The following GAD2 variants were observed in gnomAD, a reference collection of about 807,000 sequenced individuals.
The protein encoded by GAD2 is glutamate decarboxylase 2.
GAD2 carries 22 observed loss-of-function variants against 80.1 expected under a neutral mutation model. That is an observed-to-expected ratio of 0.27 (90% CI 0.20 to 0.39). GAD2 has a LOEUF of 0.39. Ranked by LOEUF, GAD2 falls within the 10% of genes least tolerant of loss-of-function variation. The pLI, the probability that GAD2 is intolerant of heterozygous loss-of-function variation, is 1.00. For missense variants in GAD2, 624 were observed against 738.4 expected (o/e 0.85, Z 1.80); for synonymous variants, 274 against 256.9 (o/e 1.07, Z -0.64).
At chr10:26,255,018 G>C (rs185971841) in intron 8 of GAD2, among the ~76,000 whole-genome samples, 143 of 152,382 alleles carry the variant, frequency 9.4e-4, no homozygotes, top group South Asian at 1.2e-3. Context: ...AGACACCGAA[G>C]TGAGAGTGTC....
intron 7 of GAD2, among the ~76,000 whole-genome samples, chr10:26,237,189 G>A (rs190094553): frequency 3.3e-5 from 5 of 152,348 alleles, no homozygotes. Context: ...AAAGGGATGG[G>A]AAGGGGCTCC....
chr10:26,263,948 A>G (rs951568872), intron 8 of GAD2, among the ~76,000 whole-genome samples: 5 of 152,184 alleles, frequency 3.3e-5, no homozygotes, highest in African/African-American at 1.2e-4. Flanking sequence ...AAGTCGGGGT[A>G]GTTGTACAGT....
chr10:26,267,256 C>A (rs1433851313), intron 8 of GAD2, among the ~76,000 whole-genome samples: 3 of 152,150 alleles, frequency 2.0e-5, no homozygotes, highest in Non-Finnish European at 4.4e-5. Flanking sequence ...TGTTTACCTG[C>A]AAAAATACTA....
intron 3 of GAD2, among the ~76,000 whole-genome samples, chr10:26,218,551 T>TCTCTCACACA (rs748110324): frequency 0.013 from 1,586 of 118,818 alleles, 37 homozygotes; most frequent in African/African-American, 0.041. Flanking sequence ...TCTCTCTCTC[T>TCTCTCACACA]CACACACACA....
chr10:26,293,553 C>T (rs187446378), intron 15 of GAD2, among the ~76,000 whole-genome samples: 2 of 152,218 alleles, frequency 1.3e-5, no homozygotes, highest in African/African-American at 4.8e-5. Flanking sequence ...AGTAGTCAGG[C>T]GATAACCTTT....
Position 26,216,952 on chromosome 10 carries a change from G to A in GAD2, c.76+67G>A, listed in dbSNP as rs1332289329. 75 of 1,398,794 alleles carry A rather than the reference G, an allele frequency of 5.4e-5. No homozygotes were observed. The highest frequency in any genetic ancestry group is 6.2e-5 in the Non-Finnish European group (62 of 1,001,980). 86.6% of individuals were successfully genotyped at this position (1,398,794 alleles called of 1,614,324 possible). On this transcript the variant is annotated intron_variant, in intron 1 of 15. Transcript: ENST00000376261. The surrounding 1 kb of genome is among the most constrained non-coding windows in gnomAD (Gnocchi z 4.7). ...GTGGTCTGGGGTTTGCGGAACTACG[G>A]AGAAGACGAAGGAGGTTTTTCCACC... is the stretch of plus-strand genomic sequence containing the variant.
At chr10:26,235,161 A>C (rs993903945) in intron 7 of GAD2, among the ~76,000 whole-genome samples, 6 of 152,368 alleles carry the variant, frequency 3.9e-5, no homozygotes, top group African/African-American at 1.2e-4. Context: ...GGCGTGAGCC[A>C]CTGTGCCCGG....
chr10:26,248,880 C>T (rs12254792), intron 8 of GAD2, among the ~76,000 whole-genome samples: 4,024 of 152,116 alleles, frequency 0.026, 188 homozygotes, highest in African/African-American at 0.092. Flanking sequence ...CTGGATAGGT[C>T]TGGAAACAAG....
At chr10:26,296,214 C>T (rs1834271917) in intron 15 of GAD2, among the ~76,000 whole-genome samples, 1 of 152,150 alleles carries the variant, frequency 6.6e-6, no homozygotes, top group African/African-American at 2.4e-5. Context: ...AACTAATCAC[C>T]TACCAAAGGC....
intron 4 of GAD2, among the ~76,000 whole-genome samples, chr10:26,223,226 G>A (rs1288512181): frequency 6.6e-6 from 1 of 152,180 alleles, no homozygotes; most frequent in African/African-American, 2.4e-5. Context: ...ATGGAGGAGC[G>A]CTGTTGTTTA....
chr10:26,293,058 A>T, intron 15 of GAD2, 67 bp downstream of exon 15: 2 of 1,304,394 alleles, frequency 1.5e-6, no homozygotes, highest in Admixed American at 1.7e-5. Context: ...CTTCTTTATG[A>T]CATATGCCTG....
chr10:26,292,432 C>T (rs776377333), intron 13 of GAD2, 33 bp from the exon 14 acceptor site: 3 of 1,531,588 alleles, frequency 2.0e-6, no homozygotes, highest in Non-Finnish European at 2.7e-6. Flanking sequence ...CACTCTTAGC[C>T]TGCTTAATGA....
At position 26,216,916 on chromosome 10, in the gene GAD2, CGA is replaced by C. The variant is rs1449168414; in HGVS notation, c.76+33_76+34del. The C allele has an allele frequency of 1.9e-6, 3 of 1,585,486 alleles. No homozygotes were observed. The highest frequency in any genetic ancestry group is 2.6e-6 in the Non-Finnish European group (3 of 1,159,316). On this transcript the variant is annotated intron_variant, in intron 1 of 15. Coordinates refer to ENST00000376261, the MANE Select transcript of GAD2 (RefSeq NM_001134366.2). This position sits in a 1 kb window ranked among gnomAD's most constrained non-coding sequence, Gnocchi z 4.7. The stretch of plus-strand genomic sequence containing the variant: ...AAGGAGAACGGGGGCCTGCGGCGGG[CGA>C]GTTTTGCGGTGGTCTGGGGTTTGCG...
intron 7 of GAD2, among the ~76,000 whole-genome samples, chr10:26,239,961 C>T (rs1487043858): frequency 6.6e-6 from 1 of 152,194 alleles, no homozygotes; most frequent in African/African-American, 2.4e-5. Flanking sequence ...TCTGTGTCCT[C>T]CAAGCCCAGC....
intron 7 of GAD2, among the ~76,000 whole-genome samples, chr10:26,239,683 A>G (rs1239848747): frequency 6.6e-6 from 1 of 152,218 alleles, no homozygotes; most frequent in Non-Finnish European, 1.5e-5. Flanking sequence ...GTAGTCAGCT[A>G]CTTTACAGGA....
In GAD2 at chr10:26,217,238, A is replaced by C; in HGVS notation, c.76+353A>C. ...GAGTGACCGTGAAGATAGAAAAAAA[A>C]AATGGGAAAGGTGAGAGATTTCTTT... On this transcript the variant is annotated intron_variant, in intron 1 of 15. Transcript: ENST00000376261. The surrounding 1 kb of genome is among the most constrained non-coding windows in gnomAD (Gnocchi z 4.9). Among the ~76,000 whole-genome samples, 1 of 152,056 alleles carries C rather than the reference A, an allele frequency of 6.6e-6. No individual in the cohort carries two copies. Among genetic ancestry groups the C allele is most frequent in the East Asian group, 1.9e-4 (1 of 5,180 alleles).
chr10:26,291,623 T>C (rs1834214585), intron 13 of GAD2, among the ~76,000 whole-genome samples: 1 of 152,224 alleles, frequency 6.6e-6, no homozygotes, highest in South Asian at 2.1e-4. Context: ...GAGAAGTTAC[T>C]GGTAGGCAGG....
intron 15 of GAD2, among the ~76,000 whole-genome samples, chr10:26,294,415 C>G (rs1834251715): frequency 6.6e-6 from 1 of 152,220 alleles, no homozygotes; most frequent in African/African-American, 2.4e-5. Flanking sequence ...TGGCTGAGGT[C>G]TTTAAACCAA....
chr10:26,300,700 A>T, intron 15 of GAD2, 88 bp from the exon 16 acceptor site: 1 of 1,255,984 alleles, frequency 8.0e-7, no homozygotes, highest in Non-Finnish European at 1.1e-6. Flanking sequence ...TTGAGCTAAA[A>T]ACTAAAGACG....
Sources: gnomAD v4.1 joint callset for allele counts (sites outside exome capture counted in the v4.1 genomes callset) on GRCh38, gnomAD v4.1.1 for gene constraint, Gnocchi (gnomAD v3.1) non-coding constraint, MANE v1.5 for transcripts, NCBI Gene and HGNC (gene_info 2026-07-23, HGNC 2026-07-21) for gene names.